SVOP: variants seen among roughly 807,000 people sequenced by gnomAD.
SVOP encodes SV2 related protein.
SVOP carries 17 observed loss-of-function variants against 69.1 expected under a neutral mutation model. The ratio of observed to expected loss-of-function variants is 0.25; its 90% CI spans 0.17 to 0.37. SVOP has a LOEUF of 0.37. Ranked by LOEUF, SVOP falls within the 10% of genes least tolerant of loss-of-function variation. SVOP has a pLI of 1.00. For synonymous variants in SVOP, 238 were observed against 238.6 expected (o/e 1.00, Z 0.02); for missense variants, 435 against 597.5 (o/e 0.73, Z 2.84).
chr12:108,972,288 T>C (rs2040083645), intron 5 of SVOP, 117 bp downstream of exon 5: 2 of 968,088 alleles, frequency 2.1e-6, no homozygotes, highest in African/African-American at 3.2e-5. Context: ...TCACTGTACT[T>C]CAACATCATC....
At chr12:108,922,604 A>C in intron 12 of SVOP, 86 bp downstream of exon 12, 2 of 963,714 alleles carry the variant, frequency 2.1e-6, no homozygotes, top group South Asian at 2.8e-5. Flanking sequence ...ATTTGCTTCC[A>C]GGTAGGGTAG....
rs150721473 is a variant in SVOP at position 108,966,073 on chromosome 12, C to A, written c.454-5026G>T. On this transcript the variant is annotated intron_variant, in intron 5 of 15. Coordinates refer to ENST00000610966, the MANE Select transcript of SVOP (RefSeq NM_018711.5). ...CTGGAGTGCAGTGGCTCAGTCACAG[C>A]TCACTGCATCCTTGAATTCCTGGGC... Among the ~76,000 whole-genome samples, 3 of 151,788 alleles carry A rather than the reference C, an allele frequency of 2.0e-5. No homozygotes were observed. The East Asian group carries it at 5.8e-4, about 30-fold the overall frequency.
At chr12:109,001,730 T>C (rs1416517236) in intron 1 of SVOP, among the ~76,000 whole-genome samples, 1 of 148,434 alleles carries the variant, frequency 6.7e-6, no homozygotes, top group African/African-American at 2.5e-5. Flanking sequence ...ATTTAATAAA[T>C]GGTGCTGGGA....
intron 1 of SVOP, among the ~76,000 whole-genome samples, chr12:108,990,293 C>A (rs969623009): frequency 6.6e-6 from 1 of 152,130 alleles, no homozygotes; most frequent in African/African-American, 2.4e-5. Flanking sequence ...TTTTTTATGG[C>A]TGCATAGTAT....
intron 1 of SVOP, among the ~76,000 whole-genome samples, chr12:108,998,399 C>G (rs1040804967): frequency 6.6e-5 from 10 of 151,956 alleles, no homozygotes; most frequent in African/African-American, 2.4e-4. Flanking sequence ...AGGATATTAT[C>G]CAGGAGAACT....
At chr12:109,017,048 C>A (rs2135635827) in intron 1 of SVOP, among the ~76,000 whole-genome samples, 1 of 152,302 alleles carries the variant, frequency 6.6e-6, no homozygotes, top group Admixed American at 6.5e-5. Flanking sequence ...CAAACCAGTG[C>A]TGTCCAATAG....
At chr12:109,012,757 G>GT (rs1344962120) in intron 1 of SVOP, among the ~76,000 whole-genome samples, 1 of 151,934 alleles carries the variant, frequency 6.6e-6, no homozygotes, top group Non-Finnish European at 1.5e-5. Flanking sequence ...GCGAAACCCC[G>GT]TCTCTACCAA....
At chr12:108,989,885 A>T (rs142768275) in intron 1 of SVOP, among the ~76,000 whole-genome samples, 3 of 152,330 alleles carry the variant, frequency 2.0e-5, no homozygotes, top group Admixed American at 6.5e-5. Context: ...GCAACTAGTT[A>T]TTGAGCATTT....
At chr12:108,923,019 A>G (rs2039759571) in intron 11 of SVOP, among the ~76,000 whole-genome samples, 1 of 152,234 alleles carries the variant, frequency 6.6e-6, no homozygotes, top group African/African-American at 2.4e-5. Context: ...AAATAAAAGC[A>G]CCATGTAAAG....
intron 13 of SVOP, among the ~76,000 whole-genome samples, 185 bp downstream of exon 13, chr12:108,919,490 C>A (rs1447948745): frequency 6.6e-6 from 1 of 151,842 alleles, no homozygotes; most frequent in Non-Finnish European, 1.5e-5. Context: ...CCTGGGCATA[C>A]ACCAACACAT....
intron 7 of SVOP, 30 bp from the exon 8 acceptor site, chr12:108,940,939 G>A: frequency 6.5e-7 from 1 of 1,533,646 alleles, no homozygotes; most frequent in Non-Finnish European, 8.7e-7. Flanking sequence ...GTCAGTGGTG[G>A]GGGTAGCATG....
intron 14 of SVOP, 57 bp downstream of exon 14, chr12:108,917,986 C>A (rs2039724557): frequency 1.4e-6 from 2 of 1,390,662 alleles, no homozygotes; most frequent in Non-Finnish European, 2.0e-6. Context: ...GAGCATCCCC[C>A]ACAGCCACTC....
chr12:108,912,758 C>T lies in SVOP; in HGVS notation c.1441-17G>A, dbSNP rs779313858. 5.0e-5 allele frequency: 81 copies of T among 1,609,774 alleles called. No homozygotes were observed. The highest frequency in any genetic ancestry group is 6.2e-5 in the Non-Finnish European group (73 of 1,177,780). ...CAGCATCACCTAGGGGAAGGAGACACGGGTCGGTGAAAGCATCCCTTCTGA... is the reference window on the plus strand; with the variant it reads ...CAGCATCACCTAGGGGAAGGAGACATGGGTCGGTGAAAGCATCCCTTCTGA... On this transcript the variant is annotated splice_polypyrimidine_tract_variant and intron_variant, in intron 15 of 15. Transcript: ENST00000610966.
rs563806029 is a variant in SVOP, at chr12:108,915,730, A to G, written c.1440+53T>C. On this transcript the variant is annotated intron_variant, in intron 15 of 15. Transcript: ENST00000610966. ...AGTCGGCATGTAGTAACTGCTTGCC[A>G]TGCATGGGGTTTTGTCACCCCCCAT... 142 of 1,537,128 alleles carry G rather than the reference A, an allele frequency of 9.2e-5. 1 individual carries two copies. In the South Asian group the frequency reaches 1.4e-3, roughly 16 times the overall value.
chr12:108,927,030 A>G (rs758862812), intron 11 of SVOP, among the ~76,000 whole-genome samples: 17 of 152,218 alleles, frequency 1.1e-4, no homozygotes, highest in Non-Finnish European at 2.2e-4. Context: ...AGCAAAGGAC[A>G]GGCATGCTTA....
chr12:108,966,265 C>T (rs1283691094), intron 5 of SVOP, among the ~76,000 whole-genome samples: 1 of 152,204 alleles, frequency 6.6e-6, no homozygotes, highest in African/African-American at 2.4e-5. Context: ...CTTGCCCAAG[C>T]TCACCTCAGT....
At chr12:108,961,352 C>T (rs781060636) in intron 5 of SVOP, among the ~76,000 whole-genome samples, 7 of 151,946 alleles carry the variant, frequency 4.6e-5, no homozygotes, top group South Asian at 2.1e-4. Context: ...ATGTTCTGCC[C>T]GACCATCATG....
chr12:108,957,383 C>T (rs148902813), intron 6 of SVOP, among the ~76,000 whole-genome samples: 3,256 of 152,164 alleles, frequency 0.021, 65 homozygotes, highest in Non-Finnish European at 0.032. Flanking sequence ...AGGATGGTCT[C>T]GAACTCCTGT....
chr12:108,929,835 CT>C (rs2039804499), intron 11 of SVOP, among the ~76,000 whole-genome samples: 2 of 152,166 alleles, frequency 1.3e-5, no homozygotes, highest in Admixed American at 1.3e-4. Context: ...CCAGCTCTGG[CT>C]TTTTTGGACA....
Sources: allele counts gnomAD v4.1 joint callset (sites outside exome capture counted in the v4.1 genomes callset), GRCh38; gene constraint gnomAD v4.1.1; transcripts MANE v1.5; gene names NCBI Gene and HGNC (gene_info 2026-07-23, HGNC 2026-07-21).